The following DCAF17 variants were observed in gnomAD, a reference collection of about 807,000 sequenced individuals.
DCAF17 encodes the protein DDB1- and CUL4-associated factor 17.
DCAF17 carries 48 observed loss-of-function variants against 66.0 expected under a neutral mutation model. That is an observed-to-expected ratio of 0.73 (90% CI 0.58 to 0.92). The LOEUF is 0.92. DCAF17 is among the 40% of genes least tolerant of loss of function. DCAF17 has a pLI of 0.00. For missense variants in DCAF17, 562 were observed against 622.8 expected (o/e 0.90, Z 1.04); for synonymous variants, 206 against 214.6 (o/e 0.96, Z 0.35).
intron 6 of DCAF17, among the ~76,000 whole-genome samples, chr2:171,454,274 T>TATC (rs1405000609): frequency 6.6e-6 from 1 of 151,646 alleles, no homozygotes; most frequent in Admixed American, 6.6e-5. Context: ...TAGCAGTCAT[T>TATC]ATTATTATTA....
intron 2 of DCAF17, among the ~76,000 whole-genome samples, chr2:171,442,157 T>C (rs1694341252): frequency 6.6e-6 from 1 of 152,250 alleles, no homozygotes; most frequent in Admixed American, 6.5e-5. Flanking sequence ...TGAAACTGTT[T>C]GGTTTAAACT....
chr2:171,479,330 T>C (rs1696637386), intron 12 of DCAF17, among the ~76,000 whole-genome samples: 1 of 152,298 alleles, frequency 6.6e-6, no homozygotes, highest in African/African-American at 2.4e-5. Context: ...GGTCTATTCC[T>C]GGATGCTTGG....
intron 2 of DCAF17, among the ~76,000 whole-genome samples, chr2:171,440,867 T>A (rs1249867651): frequency 6.6e-6 from 1 of 152,204 alleles, no homozygotes; most frequent in Admixed American, 6.5e-5. Flanking sequence ...CTGATGGATC[T>A]AAGAATAATT....
chr2:171,446,166 T>C (rs1347299062), intron 3 of DCAF17, among the ~76,000 whole-genome samples: 1 of 152,238 alleles, frequency 6.6e-6, no homozygotes, highest in Non-Finnish European at 1.5e-5. Context: ...TGTTTTCTCT[T>C]CTTTTAAATA....
At chr2:171,450,409 AAAAG>A (rs929876364) in intron 5 of DCAF17, among the ~76,000 whole-genome samples, 14 of 152,252 alleles carry the variant, frequency 9.2e-5, no homozygotes, top group South Asian at 4.1e-4. Context: ...AATATTTTAA[AAAAG>A]AAAAGTTGAT....
chr2:171,474,124 A>G (rs1456567710), intron 10 of DCAF17, 149 bp downstream of exon 10: 5 of 685,182 alleles, frequency 7.3e-6, no homozygotes, highest in Non-Finnish European at 1.3e-5. Flanking sequence ...CATACAGAAC[A>G]CCTGAATTTA....
intron 5 of DCAF17, among the ~76,000 whole-genome samples, chr2:171,451,379 AAG>A (rs1266952203): frequency 6.6e-6 from 1 of 152,152 alleles, no homozygotes; most frequent in Non-Finnish European, 1.5e-5. Context: ...ACATCTAAGA[AAG>A]AGAGATGCTA....
In DCAF17 at chr2:171,453,106, T is replaced by A; in HGVS notation, c.538-18T>A. On this transcript the variant is annotated intron_variant, in intron 5 of 13. Coordinates refer to ENST00000375255, the MANE Select transcript of DCAF17 (RefSeq NM_025000.4). ...AGTACTTTTGAGAGCTGCGTGTAAT[T>A]GTAGTCTTTCCTTCTAGGCAGGCAT... is the stretch of plus-strand genomic sequence containing the variant. The A allele has an allele frequency of 6.3e-7, 1 of 1,580,200 alleles. No homozygotes were observed. Among genetic ancestry groups the A allele is most frequent in the Non-Finnish European group, 8.6e-7 (1 of 1,158,872 alleles).
At chr2:171,468,388 A>G (rs1696046306) in intron 8 of DCAF17, among the ~76,000 whole-genome samples, 1 of 152,168 alleles carries the variant, frequency 6.6e-6, no homozygotes, top group Non-Finnish European at 1.5e-5. Context: ...TGTACTGGAA[A>G]TCTTAAGCAA....
chr2:171,470,394 G>A (rs1203264117), intron 9 of DCAF17, among the ~76,000 whole-genome samples: 2 of 152,064 alleles, frequency 1.3e-5, no homozygotes, highest in African/African-American at 4.8e-5. Flanking sequence ...CACCACGCAC[G>A]TTACAGATCA....
intron 11 of DCAF17, among the ~76,000 whole-genome samples, chr2:171,477,516 G>C (rs937425136): frequency 6.6e-6 from 1 of 151,990 alleles, no homozygotes. Flanking sequence ...TTTTTGAGCC[G>C]GGCATGGTGG....
chr2:171,456,880 A>G (rs74526549), intron 6 of DCAF17, among the ~76,000 whole-genome samples: 4,660 of 152,250 alleles, frequency 0.031, 80 homozygotes, highest in East Asian at 0.051. Flanking sequence ...AAGCTTTTGG[A>G]TTAGACAATG....
intron 12 of DCAF17, among the ~76,000 whole-genome samples, chr2:171,479,410 T>C (rs775480389): frequency 6.6e-6 from 1 of 152,208 alleles, no homozygotes; most frequent in Non-Finnish European, 1.5e-5. Context: ...AGTTCTGGGA[T>C]TTTTCTCTCT....
Position 171,448,662 on chromosome 2 carries a change from T to G in DCAF17, c.322-19T>G, listed in dbSNP as rs1319193439. On this transcript the variant is annotated intron_variant, in intron 3 of 13. Transcript: ENST00000375255. ...ATGGCCAAGCAGTTTCATTTTTATA[T>G]CTCTCTTTTTTTTTTTAGGGAGATA... 6.5e-7 allele frequency: 1 copy of G among 1,530,210 alleles called. No homozygotes were observed. Among genetic ancestry groups the G allele is most frequent in the Non-Finnish European group, 8.8e-7 (1 of 1,140,616 alleles). 94.8% of individuals were successfully genotyped at this position (1,530,210 alleles called of 1,614,324 possible). A position where few individuals can be genotyped will look rare whatever the true frequency, so the allele number is the denominator to read the frequency against.
chr2:171,448,474 A>G (rs1694763672), intron 3 of DCAF17, among the ~76,000 whole-genome samples: 1 of 152,222 alleles, frequency 6.6e-6, no homozygotes, highest in African/African-American at 2.4e-5. Context: ...TAAGTGCTTT[A>G]TGTGAATAAA....
At chr2:171,450,106 A>G (rs1008175887) in intron 5 of DCAF17, 149 bp downstream of exon 5, 74 of 643,916 alleles carry the variant, frequency 1.1e-4, no homozygotes, top group Non-Finnish European at 4.1e-5. Context: ...ATCGGAGACC[A>G]TTATTCTAAG....
In DCAF17 at chr2:171,484,884, T is replaced by G. The variant is rs571444202; in HGVS notation, c.*3770T>G. The G allele has an allele frequency of 8.4e-5, 38 of 453,928 alleles. No individual in the cohort carries two copies. The highest frequency in any genetic ancestry group is 7.2e-4 in the African/African-American group (36 of 50,098). 28.1% of individuals were successfully genotyped at this position (453,928 alleles called of 1,614,324 possible). A position where few individuals can be genotyped will look rare whatever the true frequency, so the allele number is the denominator to read the frequency against. The stretch of plus-strand genomic sequence containing the variant: ...TCACTTAGCATAATGTTTTTGAGAT[T>G]TATTCATGTTGTTGCATGTGTCAGT... On this transcript the variant is annotated 3_prime_UTR_variant, in exon 14 of 14. Coordinates refer to ENST00000375255, the MANE Select transcript of DCAF17 (RefSeq NM_025000.4).
chr2:171,436,087 T>C (rs1325532932), intron 2 of DCAF17, among the ~76,000 whole-genome samples: 1 of 152,230 alleles, frequency 6.6e-6, no homozygotes, highest in African/African-American at 2.4e-5. Context: ...ATATAATATA[T>C]GGTCTTTTGT....
Position 171,471,251 on chromosome 2 carries a change from C to T in DCAF17, c.981+2221C>T, listed in dbSNP as rs1299512909. Reference sequence around the variant, plus strand: ...TAATGATTTGTATGCCTATTAACTCCCCACCTGTTAGTCAGAAGAGTAGAT... The same window carrying T: ...TAATGATTTGTATGCCTATTAACTCTCCACCTGTTAGTCAGAAGAGTAGAT... On this transcript the variant is annotated intron_variant, in intron 9 of 13. Transcript: ENST00000375255. Among the ~76,000 whole-genome samples, 5 of 152,058 alleles carry T rather than the reference C, an allele frequency of 3.3e-5. No homozygotes were observed. In the East Asian group the frequency reaches 9.6e-4, roughly 29 times the overall value.
Sources: allele counts gnomAD v4.1 joint callset (sites outside exome capture counted in the v4.1 genomes callset), GRCh38; gene constraint gnomAD v4.1.1; transcripts MANE v1.5; gene names NCBI Gene and HGNC (gene_info 2026-07-23, HGNC 2026-07-21).